RECQL4: variants seen among roughly 807,000 people sequenced by gnomAD.
The protein encoded by RECQL4 is ATP-dependent DNA helicase Q4.
Under a neutral mutation model 128.6 loss-of-function variants are expected in RECQL4, and 158 were observed. That is an observed-to-expected ratio of 1.23 (90% confidence interval 1.08 to 1.40). RECQL4 has a LOEUF of 1.40. Among genes scored for constraint, RECQL4 ranks in the 40% most tolerant of loss-of-function variants. The pLI is 0.00. For synonymous variants in RECQL4, 996 were observed against 678.9 expected (o/e 1.47, Z -7.26); for missense variants, 2,293 against 1,649.8 (o/e 1.39, Z -6.75).
Position 144,512,656 on chromosome 8 carries a change from C to T in RECQL4, c.2871G>A (p.Gln957=), listed in dbSNP as rs548485975. Residue 957 remains glutamine, a synonymous_variant, in exon 16 of 21, where the codon CAG becomes CAA. Coordinates refer to ENST00000617875, the MANE Select transcript of RECQL4 (RefSeq NM_004260.4). ...LNCPGGPAQL[Q]ALAHRCPPLA... The stretch of plus-strand genomic sequence containing the variant: ...GGCGTGCTTACCTGTGGGCCAGGGC[C>T]TGGAGCTGGGCAGGGCCCCCAGGGC... 2.5e-6 allele frequency: 4 copies of T among 1,612,534 alleles called. No individual in the cohort carries two copies. The East Asian group carries it at 6.7e-5, about 27-fold the overall frequency.
Position 144,511,488 on chromosome 8 carries a change from C to G in RECQL4, c.3570G>C (p.Leu1190=), listed in dbSNP as rs765036646. ...CCAGGCCCACCAGGGCATGGAAGCTCAGGTGCAGGTATTTTCTCCAGAAGC... is the reference window on the plus strand; with the variant it reads ...CCAGGCCCACCAGGGCATGGAAGCTGAGGTGCAGGTATTTTCTCCAGAAGC... ...DRRFWRKYLH[L]SFHALVGLAT... Residue 1190 remains leucine, a synonymous_variant, in exon 21 of 21, where the codon CTG becomes CTC. Coordinates refer to ENST00000617875, the MANE Select transcript of RECQL4 (RefSeq NM_004260.4). 3 of 1,612,624 alleles carry G rather than the reference C, an allele frequency of 1.9e-6. No individual in the cohort carries two copies. In the South Asian group the frequency reaches 3.3e-5, roughly 18 times the overall value.
rs573929442 is a variant in RECQL4 at position 144,512,226 on chromosome 8, A to T, written c.3154T>A (p.Cys1052Ser). ...TGCACACGGCCATAGAGGAAGTCAC[A>T]TATCTGGTCCTTCTCCTCAGCGGTC... ...DLTAEEKDQI[C>S]DFLYGRVQAR... The change falls in exon 18 of 21, where the codon TGT becomes AGT. Residue 1052 changes from cysteine (C) to serine (S), a missense_variant. Cys to Ser is a moderately radical substitution (Grantham distance 112). Coordinates refer to ENST00000617875, the MANE Select transcript of RECQL4 (RefSeq NM_004260.4). The T allele has an allele frequency of 1.4e-5, 23 of 1,612,354 alleles. No individual in the cohort carries two copies. The Admixed American group carries it at 3.0e-4, about 21-fold the overall frequency.
chr8:144,515,674 C>T (rs1266821621), intron 6 of RECQL4, 90 bp downstream of exon 6: 4 of 1,529,540 alleles, frequency 2.6e-6, no homozygotes, highest in Non-Finnish European at 3.5e-6. Context: ...CCTGGAAGGC[C>T]TGTTGCTTGG....
At chr8:144,515,603 G>A in intron 6 of RECQL4, 146 bp from the exon 7 acceptor site, 2 of 1,466,590 alleles carry the variant, frequency 1.4e-6, no homozygotes, top group East Asian at 2.3e-5. Flanking sequence ...AAGAGTGACA[G>A]CCATCGTCGT....
intron 8 of RECQL4, 24 bp downstream of exon 8, chr8:144,515,124 GCC>G: frequency 6.3e-7 from 1 of 1,574,880 alleles, no homozygotes; most frequent in Non-Finnish European, 8.6e-7. Context: ...CCTCAGCCCA[GCC>G]TCAGCCCTGG....
At chr8:144,516,967 G>C in intron 4 of RECQL4, 83 bp downstream of exon 4, 1 of 1,534,074 alleles carries the variant, frequency 6.5e-7, no homozygotes, top group Non-Finnish European at 8.8e-7. Flanking sequence ...GTGCCTGTCT[G>C]TGTGGAAAAA....
rs887964523 is a variant in RECQL4, at chr8:144,513,690, C to T, written c.2081G>A (p.Gly694Asp). 6.5e-7 allele frequency: 1 copy of T among 1,547,188 alleles called. No homozygotes were observed. Among genetic ancestry groups the T allele is most frequent in the Middle Eastern group, 1.7e-4 (1 of 5,986 alleles). Reference sequence around the variant, plus strand: ...GGAATCGAGGTTTTGAAAACGTTTGCCTTGCAGCAGCGTCAACAGTGCCTG... The same window carrying T: ...GGAATCGAGGTTTTGAAAACGTTTGTCTTGCAGCAGCGTCAACAGTGCCTG... ...TDQALLTLLQ[G>D]KRFQNLDSII... Residue 694 changes from glycine (G) to aspartate (D), a missense_variant, in exon 13 of 21, where the codon GGC becomes GAC. Gly to Asp is a moderately conservative substitution (Grantham distance 94, BLOSUM62 -1). Coordinates refer to ENST00000617875, the MANE Select transcript of RECQL4 (RefSeq NM_004260.4).
rs1301601410 is a variant in RECQL4 at position 144,516,751 on chromosome 8, A to G, written c.368T>C (p.Leu123Pro). 1.3e-6 allele frequency: 2 copies of G among 1,523,460 alleles called. No homozygotes were observed. Among genetic ancestry groups the G allele is most frequent in the African/African-American group, 2.8e-5 (2 of 71,848 alleles). The allele number at this position is 1,523,460 out of a possible 1,614,324, so 94.4% of individuals were successfully genotyped here. A position where few individuals can be genotyped will look rare whatever the true frequency, so the allele number is the denominator to read the frequency against. ...LKGTLQAGPALGRRPWPLGRA... is the reference protein window; with the variant it reads ...LKGTLQAGPAPGRRPWPLGRA... ...TCCTAGAGGCCACGGTCTGCGGCCC[A>G]GGGCTGGTCCGGCCTGGGAGGGGAA... Residue 123 changes from leucine to proline, a missense_variant, in exon 5 of 21, where the codon CTG becomes CCG. Coordinates refer to ENST00000617875, the MANE Select transcript of RECQL4 (RefSeq NM_004260.4).
chr8:144,513,106 C>T lies in RECQL4; in HGVS notation c.2496G>A (p.Val832=), dbSNP rs756463555. ...GEDLRELRRH[V]HADSTDFLAV... ...CCAGGAAGTCCGTGCTGTCGGCGTG[C>T]ACATGTCTGCGCAGCTCTCGCAGGT... Residue 832 remains valine (V), a synonymous_variant, in exon 15 of 21, where the codon GTG becomes GTA. Coordinates refer to ENST00000617875, the MANE Select transcript of RECQL4 (RefSeq NM_004260.4). 5.1e-6 allele frequency: 8 copies of T among 1,570,846 alleles called. No individual in the cohort carries two copies. In the Admixed American group the frequency reaches 7.0e-5, roughly 14 times the overall value.
At chr8:144,514,900 G>A (rs1170526273) in intron 9 of RECQL4, 36 bp downstream of exon 9, 1 of 1,606,272 alleles carries the variant, frequency 6.2e-7, no homozygotes, top group Non-Finnish European at 8.5e-7. Context: ...GCTGGTTCTT[G>A]GCTGTGTACG....
intron 4 of RECQL4, 36 bp from the exon 5 acceptor site, chr8:144,516,800 A>C: frequency 2.0e-6 from 3 of 1,508,872 alleles, no homozygotes; most frequent in Non-Finnish European, 2.6e-6. Context: ...GGAGGAACTC[A>C]GGCCCCTGAG....
chr8:144,511,651 C>G, intron 20 of RECQL4, 30 bp downstream of exon 20: 1 of 1,609,086 alleles, frequency 6.2e-7, no homozygotes, highest in Non-Finnish European at 8.5e-7. Context: ...CAGCCCCAGC[C>G]TGCAGCGGGT....
chr8:144,511,969 TCCTC>T lies in RECQL4; in HGVS notation c.3331_3334del (p.Glu1111LysfsTer38). 1 of 1,611,634 alleles carries T rather than the reference TCCTC, an allele frequency of 6.2e-7. No individual in the cohort carries two copies. Among genetic ancestry groups the T allele is most frequent in the South Asian group, 1.1e-5 (1 of 91,040 alleles). On this transcript the variant is annotated frameshift_variant, in exon 19 of 21. Transcript: ENST00000617875. LOFTEE classifies it high-confidence loss of function. Reference sequence around the variant, plus strand: ...CTCCATGCCTCCCGGCTCCTGCCCTTCCTCTTCCTCAAAGTAGCGGCCGAGCAGG... The same window carrying T: ...CTCCATGCCTCCCGGCTCCTGCCCTTTTCCTCAAAGTAGCGGCCGAGCAGG...
Position 144,511,367 on chromosome 8 carries a change from C to T in RECQL4, c.*64G>A. On this transcript the variant is annotated 3_prime_UTR_variant, in exon 21 of 21. Transcript: ENST00000617875. ...ACCCTGTGGCAGGTTTTGCCCAGGTCCTCAGTCACTGCCCTAGCCTCTGAC... is the reference window on the plus strand; with the variant it reads ...ACCCTGTGGCAGGTTTTGCCCAGGTTCTCAGTCACTGCCCTAGCCTCTGAC... 1.3e-6 allele frequency: 2 copies of T among 1,593,572 alleles called. No homozygotes were observed. The highest frequency in any genetic ancestry group is 1.7e-6 in the Non-Finnish European group (2 of 1,164,530).
Position 144,516,178 on chromosome 8 carries a change from G to A in RECQL4, c.941C>T (p.Pro314Leu), listed in dbSNP as rs1814931093. ...GAGTCCGTGGTACCTGGGGTTCGAT[G>A]GGCTGCTGCAGGGCTGAGGTGGCTG... ...QAQPPQPCSS[P>L]SNPRYHGLSP... The change falls in exon 5 of 21, where the codon CCA becomes CTA. Residue 314 changes from proline to leucine, a missense_variant. Physicochemically the swap from Pro to Leu is moderately conservative, Grantham distance 98. Coordinates refer to ENST00000617875, the MANE Select transcript of RECQL4 (RefSeq NM_004260.4). 1.2e-6 allele frequency: 2 copies of A among 1,613,488 alleles called. No individual in the cohort carries two copies. Among genetic ancestry groups the A allele is most frequent in the Non-Finnish European group, 1.7e-6 (2 of 1,179,866 alleles).
rs747748330 is a variant in RECQL4 at position 144,513,113 on chromosome 8, C to T, written c.2489G>A (p.Arg830Lys). 3.2e-6 allele frequency: 5 copies of T among 1,565,444 alleles called. No individual in the cohort carries two copies. Among genetic ancestry groups the T allele is most frequent in the Admixed American group, 1.8e-5 (1 of 56,516 alleles). Residue 830 changes from arginine (R) to lysine (K), a missense_variant, in exon 15 of 21, where the codon AGA becomes AAA. Arg to Lys is a conservative substitution (Grantham distance 26, BLOSUM62 2). Coordinates refer to ENST00000617875, the MANE Select transcript of RECQL4 (RefSeq NM_004260.4). The part of the protein sequence containing the change: ...PQGEDLRELR[R>K]HVHADSTDFL... ...GTCCGTGCTGTCGGCGTGCACATGT[C>T]TGCGCAGCTCTCGCAGGTCTTCGCC...
In RECQL4 at chr8:144,514,371, A is replaced by G. The variant is rs753794303; in HGVS notation, c.1705-9T>C. 1 of 1,599,944 alleles carries G rather than the reference A, an allele frequency of 6.3e-7. No homozygotes were observed. On this transcript the variant is annotated splice_polypyrimidine_tract_variant and intron_variant, in intron 10 of 20. Coordinates refer to ENST00000617875, the MANE Select transcript of RECQL4 (RefSeq NM_004260.4). ...ACCTGGGCTGCCCGAATCTGAAGGC[A>G]GCAAGATCAGAGGCACAGCCCAGGT... is the stretch of plus-strand genomic sequence containing the variant.
intron 16 of RECQL4, 27 bp from the exon 17 acceptor site, chr8:144,512,588 G>A (rs755461118): frequency 1.9e-6 from 3 of 1,612,154 alleles, no homozygotes; most frequent in African/African-American, 1.3e-5. Context: ...AGGGACATGT[G>A]GCCAACAGCC....
rs943035311 is a variant in RECQL4 at position 144,517,180 on chromosome 8, G to A, written c.224C>T (p.Pro75Leu). 3 of 1,604,410 alleles carry A rather than the reference G, an allele frequency of 1.9e-6. No homozygotes were observed. The highest frequency in any genetic ancestry group is 1.3e-5 in the African/African-American group (1 of 74,946). Reference sequence around the variant, plus strand: ...ATTCAGATGGGGCCCCCAGCAGCGGGGCTCTGGCGCCTGCAGGAGACAACA... The same window carrying A: ...ATTCAGATGGGGCCCCCAGCAGCGGAGCTCTGGCGCCTGCAGGAGACAACA... ...LPAAAEEAPE[P>L]RCWGPHLNRA... The change falls in exon 4 of 21, where the codon CCC becomes CTC. Residue 75 changes from proline to leucine, a missense_variant. By Grantham distance (98) the Pro-to-Leu change is moderately conservative (BLOSUM62 -3). Transcript: ENST00000617875.
Sources: gnomAD v4.1 joint callset for allele counts on GRCh38, gnomAD v4.1.1 for gene constraint, MANE v1.5 for transcripts, NCBI Gene and HGNC (gene_info 2026-07-23, HGNC 2026-07-21) for gene names.